RTL9: variants seen among roughly 807,000 people sequenced by gnomAD.
RTL9 encodes retrotransposon Gag-like protein 9.
Under a neutral mutation model 44.7 loss-of-function variants are expected in RTL9, and 19 were observed. That is an observed-to-expected ratio of 0.42 (90% CI 0.30 to 0.62). The LOEUF is 0.62. Ranked by LOEUF, RTL9 falls within the 20% of genes least tolerant of loss-of-function variation. The probability of loss-of-function intolerance (pLI) is 0.16; values close to 1 mark genes in which losing one functional copy is unlikely to be tolerated. For missense variants in RTL9, 1,105 were observed against 1,080.6 expected, an observed-to-expected ratio of 1.02 and a Z score of -0.32; for synonymous variants, 407 against 398.9, an observed-to-expected ratio of 1.02 and a Z score of -0.24.
At chrX:110,415,540 A>G (rs918438652), upstream of RTL9, among the ~76,000 whole-genome samples, 8 of 111,443 alleles carry the variant, frequency 7.2e-5, no homozygotes, top group Non-Finnish European at 1.3e-4. Flanking sequence ...ACCAATATGT[A>G]TTGATGCCCA....
At chrX:110,434,856 G>C (rs775905547) in intron 1 of RTL9, among the ~76,000 whole-genome samples, 1 of 110,205 alleles carries the variant, frequency 9.1e-6, no homozygotes, top group East Asian at 2.9e-4. Flanking sequence ...CAGGGCAAGG[G>C]CTAGGGACAG....
chrX:110,373,133 C>T (rs2068351022), intron 1 of RTL9, among the ~76,000 whole-genome samples: 1 of 111,662 alleles, frequency 9.0e-6, no homozygotes, highest in Admixed American at 9.5e-5. Flanking sequence ...GGGAGTAAAA[C>T]GTTTAAGTAA....
chrX:110,411,754 T>C (rs1215551279), intron 1 of RTL9, among the ~76,000 whole-genome samples: 1 of 112,551 alleles, frequency 8.9e-6, no homozygotes, highest in East Asian at 2.8e-4. Flanking sequence ...AAGAAGTGCA[T>C]TATTTTCTTT....
At chrX:110,452,606 T>C in exon 1 of RTL9, 1 of 1,211,473 alleles carries the variant, frequency 8.3e-7, no homozygotes, top group Non-Finnish European at 1.1e-6. Context: ...ACACAGCCTC[T>C]GGAGGGTTGT....
intron 1 of RTL9, among the ~76,000 whole-genome samples, chrX:110,387,245 A>G (rs1185332322): frequency 8.9e-6 from 1 of 112,431 alleles, no homozygotes; most frequent in African/African-American, 3.2e-5. Flanking sequence ...TTTCCAATGA[A>G]GACTTACGTG....
At position 110,382,336 on chromosome X, in the gene RTL9, A is replaced by C. The variant is rs758554900; in HGVS notation, c.-168+23420A>C. Among the ~76,000 whole-genome samples the C allele has an allele frequency of 2.0e-4, 22 of 110,720 alleles. No homozygotes were observed. The East Asian group carries it at 4.5e-3, about 23-fold the overall frequency. On this transcript the variant is annotated intron_variant, in intron 1 of 2. Coordinates refer to the RTL9 transcript ENST00000520821. ...GTTCCAATTGTACAGGAAAAAAAAA[A>C]CCCAGCAACCCAAACACCACCACCA...
intron 1 of RTL9, among the ~76,000 whole-genome samples, chrX:110,387,973 T>C (rs2068468897): frequency 9.3e-6 from 1 of 106,961 alleles, no homozygotes; most frequent in Admixed American, 1.0e-4. Context: ...GCCATTCTCC[T>C]GCCTCAGCCT....
chrX:110,423,645 G>A (rs1307056584), intron 1 of RTL9, among the ~76,000 whole-genome samples: 1 of 112,342 alleles, frequency 8.9e-6, no homozygotes, highest in Non-Finnish European at 1.9e-5. Context: ...AAGGAACTAA[G>A]GTGATCAACT....
Position 110,436,739 on chromosome X carries a change from T to G in RTL9, c.-167-8414T>G, listed in dbSNP as rs774944684. On this transcript the variant is annotated intron_variant, in intron 1 of 3. Coordinates refer to the RTL9 transcript ENST00000465301. ...AGCTATGGAAAGCCTCTGGAAGCCT[T>G]AGTACCCTGGGGCCCAGACAAGGGA... 4.5e-5 allele frequency among the ~76,000 whole-genome samples: 5 copies of G among 111,374 alleles called. No homozygotes were observed. In the East Asian group the frequency reaches 1.1e-3, roughly 25 times the overall value.
At chrX:110,425,849 G>A (rs1009022603) in intron 1 of RTL9, among the ~76,000 whole-genome samples, 5 of 112,609 alleles carry the variant, frequency 4.4e-5, no homozygotes, top group African/African-American at 6.5e-5. Context: ...AATGTCTGTC[G>A]AAGGAATAAA....
At chrX:110,396,521 TC>T (rs2068529663) in intron 1 of RTL9, among the ~76,000 whole-genome samples, 1 of 112,203 alleles carries the variant, frequency 8.9e-6, no homozygotes, top group South Asian at 3.7e-4. Flanking sequence ...CTACTTTCTT[TC>T]CCAGTCCCCA....
At chrX:110,387,717 C>G (rs1422243750) in intron 1 of RTL9, among the ~76,000 whole-genome samples, 4 of 111,728 alleles carry the variant, frequency 3.6e-5, no homozygotes, top group Non-Finnish European at 1.9e-5. Context: ...CCCATGTTCT[C>G]TACTTCTCAA....
At chrX:110,428,688 G>T (rs575430693) in intron 1 of RTL9, among the ~76,000 whole-genome samples, 195 of 110,891 alleles carry the variant, frequency 1.8e-3, no homozygotes, top group African/African-American at 6.1e-3. Flanking sequence ...CTCATTGTCT[G>T]CAGGGCAAAT....
intron 1 of RTL9, 134 bp downstream of exon 3, chrX:110,454,798 C>T (rs2148352946): frequency 1.8e-6 from 1 of 552,751 alleles, no homozygotes; most frequent in East Asian, 3.6e-5. Context: ...ACCATTAAAC[C>T]CCAGCAGTTT....
chrX:110,421,127 GA>G (rs2148320879), intron 1 of RTL9, among the ~76,000 whole-genome samples: 1 of 112,450 alleles, frequency 8.9e-6, no homozygotes, highest in East Asian at 2.8e-4. Flanking sequence ...CAGCCCCTCT[GA>G]CTTTTTTGCA....
intron 1 of RTL9, among the ~76,000 whole-genome samples, chrX:110,362,395 CAAT>C (rs1383290650): frequency 8.9e-6 from 1 of 112,064 alleles, no homozygotes; most frequent in African/African-American, 3.2e-5. Flanking sequence ...CCTCTAATAA[CAAT>C]AATAACTCAA....
chrX:110,374,377 A>T (rs1231822685), intron 1 of RTL9, among the ~76,000 whole-genome samples: 1 of 112,309 alleles, frequency 8.9e-6, no homozygotes, highest in Non-Finnish European at 1.9e-5. Context: ...TGAGTGAATT[A>T]ATGAGTCTAG....
At chrX:110,385,423 T>C (rs2148279708) in intron 1 of RTL9, among the ~76,000 whole-genome samples, 1 of 111,300 alleles carries the variant, frequency 9.0e-6, no homozygotes, top group Admixed American at 9.5e-5. Flanking sequence ...TTTCACAGAG[T>C]TGTGCAACCA....
At chrX:110,455,390 T>C in exon 2 of RTL9, 12 of 1,152,963 alleles carry the variant, frequency 1.0e-5, no homozygotes, top group Non-Finnish European at 1.4e-5. Flanking sequence ...CCTGGACCCA[T>C]TCCATTAAAC....
Sources: allele counts gnomAD v4.1 joint callset (sites outside exome capture counted in the v4.1 genomes callset), GRCh38; gene constraint gnomAD v4.1.1; transcripts MANE v1.5; gene names NCBI Gene and HGNC (gene_info 2026-07-23, HGNC 2026-07-21).